Variants in OPCML observed in about 807,000 individuals in gnomAD.
The protein encoded by OPCML is opioid binding protein/cell adhesion molecule like.
In OPCML, 13 loss-of-function variants were observed where a neutral mutation model predicts 37.8. That is an observed-to-expected ratio of 0.34 (90% CI 0.22 to 0.55). The LOEUF (loss-of-function observed/expected upper bound fraction) is 0.55, where lower values mean the gene tolerates loss of function less well. Among genes scored for constraint, OPCML ranks in the 20% least tolerant of loss-of-function variants. The probability of loss-of-function intolerance (pLI) is 0.91; values close to 1 mark genes in which losing one functional copy is unlikely to be tolerated. For synonymous variants in OPCML, 176 were observed against 168.8 expected, an observed-to-expected ratio of 1.04 and a Z score of -0.33; for missense variants, 341 against 435.6, an observed-to-expected ratio of 0.78 and a Z score of 1.93.
At chr11:132,903,926 C>G (rs1016891652) in intron 2 of OPCML, among the ~76,000 whole-genome samples, 4 of 152,202 alleles carry the variant, frequency 2.6e-5, no homozygotes, top group African/African-American at 7.2e-5. Context: ...AAAGATTTGT[C>G]TTTGATAGAT....
rs1565468772 is a variant in OPCML, at chr11:133,140,967, A to AGAC, written c.62-197958_62-197957insGTC. 3.3e-3 allele frequency among the ~76,000 whole-genome samples: 9 copies of AGAC among 2,720 alleles called. 1 individual carries two copies. The highest frequency in any genetic ancestry group is 5.4e-3 in the African/African-American group (9 of 1,674). The allele number at this position is 2,720 out of a possible 152,430, so 1.8% of individuals were successfully genotyped here. ...AAGACGACGAAGAAGAAGAAGAAGA[A>AGAC]GAAGAAGAAGAAGAAGAAGAAGAAG... On this transcript the variant is annotated intron_variant, in intron 1 of 7. Transcript: ENST00000524381.
At chr11:133,356,437 A>T (rs1944292453) in intron 1 of OPCML, among the ~76,000 whole-genome samples, 1 of 152,130 alleles carries the variant, frequency 6.6e-6, no homozygotes, top group Non-Finnish European at 1.5e-5. Flanking sequence ...CCTCTCCACA[A>T]TCGGGGTTAG....
chr11:132,532,636 A>G (rs542529810), intron 3 of OPCML, among the ~76,000 whole-genome samples: 1 of 152,248 alleles, frequency 6.6e-6, no homozygotes, highest in African/African-American at 2.4e-5. Context: ...CAAACACAGT[A>G]TTTCCATCCA....
At chr11:133,145,273 T>C (rs1345867393) in intron 1 of OPCML, among the ~76,000 whole-genome samples, 1 of 151,794 alleles carries the variant, frequency 6.6e-6, no homozygotes, top group Non-Finnish European at 1.5e-5. Flanking sequence ...TGGAGGAGAG[T>C]GGCCATATCA....
intron 2 of OPCML, among the ~76,000 whole-genome samples, chr11:132,728,744 G>A (rs1944972701): frequency 6.6e-6 from 1 of 152,148 alleles, no homozygotes; most frequent in African/African-American, 2.4e-5. Context: ...AATAGCCCAT[G>A]TGAACTCATT....
chr11:133,274,039 T>C (rs550357714), intron 1 of OPCML, among the ~76,000 whole-genome samples: 261 of 152,314 alleles, frequency 1.7e-3, no homozygotes, highest in Non-Finnish European at 3.1e-3. Flanking sequence ...TATTTATCTA[T>C]CTAGTTCTAT....
chr11:133,032,938 C>A (rs988645245), intron 1 of OPCML, among the ~76,000 whole-genome samples: 4 of 152,196 alleles, frequency 2.6e-5, no homozygotes, highest in Non-Finnish European at 5.9e-5. Context: ...CTCAGCACTG[C>A]AATGAGGATA....
chr11:133,410,127 T>A (rs1945612855), intron 1 of OPCML, among the ~76,000 whole-genome samples: 1 of 152,160 alleles, frequency 6.6e-6, no homozygotes, highest in Admixed American at 6.5e-5. Context: ...CTACGGCATA[T>A]AAGTGAGTGG....
intron 2 of OPCML, among the ~76,000 whole-genome samples, chr11:132,926,348 G>C (rs1944990329): frequency 1.3e-5 from 2 of 152,036 alleles, no homozygotes; most frequent in Non-Finnish European, 2.9e-5. Flanking sequence ...GGGAGGCTGT[G>C]GTACGCATCA....
At chr11:132,423,169 G>T (rs1241950896) in intron 7 of OPCML, among the ~76,000 whole-genome samples, 1 of 152,188 alleles carries the variant, frequency 6.6e-6, no homozygotes, top group African/African-American at 2.4e-5. Flanking sequence ...CAGCAAGAGG[G>T]CACCGAACAC....
At chr11:132,859,018 C>T (rs1235367064) in intron 2 of OPCML, among the ~76,000 whole-genome samples, 4 of 152,194 alleles carry the variant, frequency 2.6e-5, no homozygotes, top group Middle Eastern at 3.4e-3. Flanking sequence ...TAAATATGCT[C>T]GTTTGTTTTC....
At chr11:132,898,015 C>T (rs180918840) in intron 2 of OPCML, among the ~76,000 whole-genome samples, 287 of 152,296 alleles carry the variant, frequency 1.9e-3, no homozygotes, top group African/African-American at 6.5e-3. Flanking sequence ...TTTTCCCAGT[C>T]ATCCCTGTCA....
At chr11:132,693,297 C>T (rs540160274) in intron 2 of OPCML, among the ~76,000 whole-genome samples, 2 of 152,280 alleles carry the variant, frequency 1.3e-5, no homozygotes, top group Non-Finnish European at 2.9e-5. Flanking sequence ...TAAAACCCCC[C>T]TTCAGGACCA....
chr11:132,830,164 T>C (rs1940601670), intron 2 of OPCML, among the ~76,000 whole-genome samples: 1 of 152,190 alleles, frequency 6.6e-6, no homozygotes, highest in Non-Finnish European at 1.5e-5. Flanking sequence ...CTCCTTTATA[T>C]TCATCAATTT....
intron 2 of OPCML, among the ~76,000 whole-genome samples, chr11:132,905,027 G>T (rs1565951831): frequency 6.6e-6 from 1 of 152,064 alleles, no homozygotes; most frequent in Admixed American, 6.5e-5. Flanking sequence ...GCTACTTCTT[G>T]GACATGCATT....
At chr11:133,008,345 G>T (rs1947152132) in intron 1 of OPCML, 1 of 985,182 alleles carries the variant, frequency 1.0e-6, no homozygotes, top group African/African-American at 1.7e-5. Flanking sequence ...AAAGAGACCT[G>T]AAAGGAATAT....
chr11:132,744,745 G>T (rs1184760968), intron 2 of OPCML, among the ~76,000 whole-genome samples: 5 of 152,214 alleles, frequency 3.3e-5, no homozygotes, highest in Admixed American at 6.5e-5. Flanking sequence ...CATGTGCAAA[G>T]TAATACAGTA....
At chr11:132,855,147 T>C (rs1246093889) in intron 2 of OPCML, among the ~76,000 whole-genome samples, 1 of 152,166 alleles carries the variant, frequency 6.6e-6, no homozygotes, top group Admixed American at 6.5e-5. Flanking sequence ...TCTGTTCCTA[T>C]GGATAACATC....
At chr11:132,512,524 TA>T (rs1311798395) in intron 4 of OPCML, among the ~76,000 whole-genome samples, 1 of 151,688 alleles carries the variant, frequency 6.6e-6, no homozygotes, top group African/African-American at 2.4e-5. Context: ...CACTTAGCAA[TA>T]AAAAAACCAC....
Sources: allele counts gnomAD v4.1 joint callset (sites outside exome capture counted in the v4.1 genomes callset), GRCh38; gene constraint gnomAD v4.1.1; transcripts MANE v1.5; gene names NCBI Gene and HGNC (gene_info 2026-07-23, HGNC 2026-07-21).